MBTPS1: variants seen among roughly 807,000 people sequenced by gnomAD.
MBTPS1 encodes membrane bound transcription factor peptidase, site 1, also known as membrane-bound transcription factor site-1 protease.
A neutral mutation model predicts 127.8 loss-of-function variants in MBTPS1; 94 were observed. The ratio of observed to expected loss-of-function variants is 0.74; its 90% CI spans 0.62 to 0.87. MBTPS1 has a LOEUF of 0.87. Among genes scored for constraint, MBTPS1 ranks in the 40% least tolerant of loss-of-function variants. MBTPS1 has a pLI of 0.00. For synonymous variants in MBTPS1, 632 were observed against 509.4 expected (o/e 1.24, Z -3.24); for missense variants, 1,636 against 1,353.2 (o/e 1.21, Z -3.28).
chr16:84,059,237 C>G, intron 21 of MBTPS1, 65 bp downstream of exon 21: 1 of 1,556,692 alleles, frequency 6.4e-7, no homozygotes, highest in Non-Finnish European at 8.7e-7. Flanking sequence ...CCATTCTCTC[C>G]TATAAGAAAA....
At chr16:84,113,791 A>C (rs971587595) in intron 1 of MBTPS1, among the ~76,000 whole-genome samples, 1 of 152,236 alleles carries the variant, frequency 6.6e-6, no homozygotes, top group Non-Finnish European at 1.5e-5. Flanking sequence ...AAGGAGACTG[A>C]ATTGTGTTTA....
intron 5 of MBTPS1, 77 bp from the exon 6 acceptor site, chr16:84,093,374 G>T: frequency 1.0e-6 from 1 of 968,550 alleles, no homozygotes; most frequent in Non-Finnish European, 1.7e-6. Flanking sequence ...CAGGCCATGA[G>T]TTCCACGGCC....
intron 3 of MBTPS1, among the ~76,000 whole-genome samples, chr16:84,096,726 G>C (rs940418250): frequency 6.6e-6 from 1 of 152,188 alleles, no homozygotes; most frequent in Non-Finnish European, 1.5e-5. Context: ...ATACAGTCAC[G>C]TCAATTCTGG....
At chr16:84,073,564 G>C (rs114072695) in intron 12 of MBTPS1, among the ~76,000 whole-genome samples, 1 of 152,042 alleles carries the variant, frequency 6.6e-6, no homozygotes, top group African/African-American at 2.4e-5. Context: ...AAAAACAGTG[G>C]CCAAGTTAGT....
chr16:84,114,333 G>T (rs891520602), intron 1 of MBTPS1, among the ~76,000 whole-genome samples: 3 of 152,026 alleles, frequency 2.0e-5, no homozygotes, highest in African/African-American at 4.8e-5. Flanking sequence ...TCCATCAGGT[G>T]GTCTTGTATT....
intron 11 of MBTPS1, among the ~76,000 whole-genome samples, chr16:84,076,258 T>A (rs78713159): frequency 6.7e-6 from 1 of 148,732 alleles, no homozygotes. Context: ...AAAACAGCAC[T>A]AGACAGATAA....
At chr16:84,080,732 C>T (rs1313626847) in intron 11 of MBTPS1, among the ~76,000 whole-genome samples, 1 of 152,250 alleles carries the variant, frequency 6.6e-6, no homozygotes, top group Non-Finnish European at 1.5e-5. Context: ...TTTTTCAGGC[C>T]TGTGCGAGCC....
At chr16:84,071,348 T>C (rs2085767559) in intron 12 of MBTPS1, among the ~76,000 whole-genome samples, 1 of 152,210 alleles carries the variant, frequency 6.6e-6, no homozygotes, top group African/African-American at 2.4e-5. Flanking sequence ...CAATGAGAGC[T>C]TGCAACTAAC....
At position 84,060,758 on chromosome 16, in the gene MBTPS1, C is replaced by T. The variant is rs200652370; in HGVS notation, c.2628G>A (p.Pro876=). The T allele has an allele frequency of 1.2e-4, 189 of 1,609,598 alleles. 2 individuals carry two copies. In the Middle Eastern group the frequency reaches 7.3e-3, roughly 62 times the overall value. ...GGTTCCCAGAGTGACTGAGGCTAGG[C>T]GGTGTCACCCCATACGATGTGTACT... The part of the protein sequence containing the change: ...LLQYTSYGVT[P]PSLSHSGNRQ... Residue 876 remains proline, a synonymous_variant, in exon 20 of 23, where the codon CCG becomes CCA. Coordinates refer to ENST00000343411, the MANE Select transcript of MBTPS1 (RefSeq NM_003791.4).
chr16:84,093,988 G>C (rs1373670804), intron 4 of MBTPS1, among the ~76,000 whole-genome samples, 167 bp from the exon 5 acceptor site: 1 of 152,166 alleles, frequency 6.6e-6, no homozygotes, highest in Non-Finnish European at 1.5e-5. Flanking sequence ...GGGTCAGCTG[G>C]CTGAGCCAAG....
intron 1 of MBTPS1, among the ~76,000 whole-genome samples, chr16:84,113,833 A>G (rs1407193742): frequency 6.6e-6 from 1 of 152,214 alleles, no homozygotes; most frequent in Non-Finnish European, 1.5e-5. Flanking sequence ...AGTCCAATTA[A>G]AAGTCGGCTG....
At chr16:84,102,648 C>T (rs2086273071) in intron 1 of MBTPS1, among the ~76,000 whole-genome samples, 1 of 152,200 alleles carries the variant, frequency 6.6e-6, no homozygotes, top group Non-Finnish European at 1.5e-5. Context: ...ACTCAATCCC[C>T]AGAGCATTTC....
intron 22 of MBTPS1, among the ~76,000 whole-genome samples, chr16:84,055,137 G>A (rs1365264121): frequency 6.6e-6 from 1 of 152,236 alleles, no homozygotes; most frequent in East Asian, 1.9e-4. Context: ...ACGTGTGGCT[G>A]AAAGCCAGGA....
chr16:84,061,476 A>C (rs925880009), intron 19 of MBTPS1: 1 of 152,332 alleles, frequency 6.6e-6, no homozygotes, highest in African/African-American at 2.4e-5. Flanking sequence ...TGAGAAAAGA[A>C]GGGCCTGAGA....
intron 12 of MBTPS1, among the ~76,000 whole-genome samples, chr16:84,071,053 T>C (rs763330073): frequency 6.6e-6 from 1 of 152,202 alleles, no homozygotes; most frequent in Non-Finnish European, 1.5e-5. Flanking sequence ...GGAACTTTTG[T>C]CAAAAGTTCT....
intron 9 of MBTPS1, among the ~76,000 whole-genome samples, 186 bp downstream of exon 9, chr16:84,087,172 A>C (rs923388058): frequency 6.6e-6 from 1 of 152,218 alleles, no homozygotes; most frequent in Non-Finnish European, 1.5e-5. Context: ...GAAGTGGCAG[A>C]TGCTGACGGG....
At chr16:84,104,283 C>G (rs941098567) in intron 1 of MBTPS1, among the ~76,000 whole-genome samples, 15 of 152,028 alleles carry the variant, frequency 9.9e-5, no homozygotes, top group South Asian at 2.1e-4. Flanking sequence ...AGGTTTGAGA[C>G]CAGCCTGGGC....
At chr16:84,091,359 A>C (rs1445211359) in intron 7 of MBTPS1, among the ~76,000 whole-genome samples, 1 of 151,896 alleles carries the variant, frequency 6.6e-6, no homozygotes, top group African/African-American at 2.4e-5. Context: ...GGTGGTGTGC[A>C]CCTGTAATCC....
intron 11 of MBTPS1, 91 bp from the exon 12 acceptor site, chr16:84,074,832 C>A: frequency 1.6e-6 from 2 of 1,231,540 alleles, no homozygotes; most frequent in South Asian, 2.9e-5. Flanking sequence ...ACAAAGCAGA[C>A]CTAGCTTCAG....
Sources: gnomAD v4.1 joint callset for allele counts (sites outside exome capture counted in the v4.1 genomes callset) on GRCh38, gnomAD v4.1.1 for gene constraint, MANE v1.5 for transcripts, NCBI Gene and HGNC (gene_info 2026-07-23, HGNC 2026-07-21) for gene names.